The following KCNIP1 variants were observed in gnomAD, a reference collection of about 807,000 sequenced individuals.
KCNIP1 encodes potassium voltage-gated channel interacting protein 1.
In KCNIP1, 18 loss-of-function variants were observed where a neutral mutation model predicts 33.0. The observed-to-expected ratio is 0.55, with a 90% CI of 0.38 to 0.81. The LOEUF is 0.81. KCNIP1 is among the 30% of genes least tolerant of loss of function. The pLI is 0.00. For missense variants in KCNIP1, 238 were observed against 271.6 expected (o/e 0.88, Z 0.87); for synonymous variants, 93 against 98.3 (o/e 0.95, Z 0.32).
At chr5:170,653,570 T>C (rs1009315332) in intron 1 of KCNIP1, among the ~76,000 whole-genome samples, 1 of 152,048 alleles carries the variant, frequency 6.6e-6, no homozygotes, top group African/African-American at 2.4e-5. Flanking sequence ...GCTCTACTTA[T>C]CTTAAGCCAA....
intron 1 of KCNIP1, among the ~76,000 whole-genome samples, chr5:170,710,564 T>A (rs941412524): frequency 2.0e-5 from 3 of 152,236 alleles, no homozygotes; most frequent in Non-Finnish European, 4.4e-5. Context: ...ACCTATCTGG[T>A]TGAGTCTTCA....
intron 1 of KCNIP1, among the ~76,000 whole-genome samples, chr5:170,537,977 AC>A (rs1756059313): frequency 6.6e-6 from 1 of 152,206 alleles, no homozygotes; most frequent in South Asian, 2.1e-4. Flanking sequence ...CCCTTCAGGC[AC>A]TTAAAGCAGG....
chr5:170,608,051 C>T (rs1056587630), intron 1 of KCNIP1, among the ~76,000 whole-genome samples: 4 of 152,134 alleles, frequency 2.6e-5, no homozygotes, highest in African/African-American at 9.7e-5. Context: ...AGGTCCAGAT[C>T]AAGGAGTGAG....
At chr5:170,545,590 G>A (rs1414651425) in intron 1 of KCNIP1, among the ~76,000 whole-genome samples, 1 of 151,798 alleles carries the variant, frequency 6.6e-6, no homozygotes, top group Non-Finnish European at 1.5e-5. Context: ...GGTTTTAATT[G>A]GAATTTTACC....
intron 1 of KCNIP1, among the ~76,000 whole-genome samples, chr5:170,366,520 C>T (rs1412900042): frequency 6.6e-6 from 1 of 152,216 alleles, no homozygotes; most frequent in Non-Finnish European, 1.5e-5. Flanking sequence ...GGCACAGGCT[C>T]CCCCATGTTC....
At chr5:170,702,233 G>C (rs967279169) in intron 1 of KCNIP1, among the ~76,000 whole-genome samples, 1 of 152,060 alleles carries the variant, frequency 6.6e-6, no homozygotes, top group African/African-American at 2.4e-5. Context: ...AGTATTTGTC[G>C]AATGAGTTAA....
intron 1 of KCNIP1, among the ~76,000 whole-genome samples, chr5:170,635,616 A>T (rs1038703854): frequency 1.8e-4 from 28 of 152,338 alleles, no homozygotes; most frequent in African/African-American, 6.5e-4. Context: ...AAGGTTTATC[A>T]CTGCTGTCTC....
Position 170,733,817 on chromosome 5 carries a change from T to A in KCNIP1, c.541-19T>A, listed in dbSNP as rs1764292245. Reference sequence around the variant, plus strand: ...GAGATCACCAGATTCTGTAAAGTGCTTTCTGTTATGTCTTTCAGAAAATGG... The same window carrying A: ...GAGATCACCAGATTCTGTAAAGTGCATTCTGTTATGTCTTTCAGAAAATGG... On this transcript the variant is annotated intron_variant, in intron 6 of 7. Coordinates refer to ENST00000328939, the MANE Select transcript of KCNIP1 (RefSeq NM_014592.4). The A allele has an allele frequency of 1.2e-6, 2 of 1,605,828 alleles. No individual in the cohort carries two copies. The highest frequency in any genetic ancestry group is 1.3e-5 in the African/African-American group (1 of 74,780).
chr5:170,404,980 C>T (rs1754998532), intron 1 of KCNIP1, among the ~76,000 whole-genome samples: 1 of 152,194 alleles, frequency 6.6e-6, no homozygotes, highest in Non-Finnish European at 1.5e-5. Flanking sequence ...TTCTCCAGCA[C>T]ATAAATAAAG....
intron 1 of KCNIP1, among the ~76,000 whole-genome samples, chr5:170,507,189 C>T (rs936899794): frequency 3.3e-5 from 5 of 152,176 alleles, no homozygotes; most frequent in Non-Finnish European, 5.9e-5. Context: ...CGGAAGAGAG[C>T]AGTTGGGATT....
Position 170,453,439 on chromosome 5 carries a change from CG to C in KCNIP1, c.88+99479del, listed in dbSNP as rs1480500495. 3.3e-5 allele frequency among the ~76,000 whole-genome samples: 5 copies of C among 152,274 alleles called. No individual in the cohort carries two copies. The East Asian group carries it at 5.8e-4, about 18-fold the overall frequency. Reference sequence around the variant, plus strand: ...AGGTGCACTTCCAGGCATCATTTAGCGGGGTACCACATTCCTGGTTCCAGTT... The same window carrying C: ...AGGTGCACTTCCAGGCATCATTTAGCGGGTACCACATTCCTGGTTCCAGTT... On this transcript the variant is annotated intron_variant, in intron 1 of 7. Coordinates refer to the KCNIP1 transcript ENST00000377360.
intron 1 of KCNIP1, among the ~76,000 whole-genome samples, chr5:170,649,144 A>G (rs1760906726): frequency 6.6e-6 from 1 of 152,212 alleles, no homozygotes; most frequent in South Asian, 2.1e-4. Flanking sequence ...TAATAATGCC[A>G]CTATTAAGTA....
In KCNIP1 at chr5:170,544,258, A is replaced by G. The variant is rs895989843; in HGVS notation, c.61+39625A>G. Among the ~76,000 whole-genome samples, 4 of 152,138 alleles carry G rather than the reference A, an allele frequency of 2.6e-5. No individual in the cohort carries two copies. In the East Asian group the frequency reaches 7.7e-4, roughly 29 times the overall value. On this transcript the variant is annotated intron_variant, in intron 1 of 7. Coordinates refer to ENST00000328939, the MANE Select transcript of KCNIP1 (RefSeq NM_014592.4). ...CGGAAACCCAATTTCTACTAAAAAT[A>G]ATAATAATAATAATAAAATAACTGA... is the stretch of plus-strand genomic sequence containing the variant.
chr5:170,733,750 T>C, intron 6 of KCNIP1, 86 bp from the exon 7 acceptor site: 1 of 1,136,950 alleles, frequency 8.8e-7, no homozygotes, highest in Non-Finnish European at 1.3e-6. Context: ...AGCTCGTTAC[T>C]CTGAGCTCCA....
chr5:170,602,108 C>T (rs1758718700), intron 1 of KCNIP1, among the ~76,000 whole-genome samples: 1 of 152,236 alleles, frequency 6.6e-6, no homozygotes, highest in Non-Finnish European at 1.5e-5. Flanking sequence ...TCTGTGATAA[C>T]TTTCTCTTGT....
chr5:170,716,794 C>T (rs529988613), intron 1 of KCNIP1, among the ~76,000 whole-genome samples: 3 of 152,244 alleles, frequency 2.0e-5, no homozygotes, highest in South Asian at 2.1e-4. Flanking sequence ...AGAAATTTCC[C>T]GAGCTTGTGA....
intron 1 of KCNIP1, among the ~76,000 whole-genome samples, chr5:170,541,637 T>TCCCACCCATGACCCACCCA: frequency 6.6e-6 from 1 of 151,938 alleles, no homozygotes; most frequent in Non-Finnish European, 1.5e-5. Flanking sequence ...CAAAGCAAAC[T>TCCCACCCATGACCCACCCA]CCCACCCATG....
chr5:170,448,262 A>G (rs1756165327), intron 1 of KCNIP1, among the ~76,000 whole-genome samples: 1 of 152,264 alleles, frequency 6.6e-6, no homozygotes, highest in African/African-American at 2.4e-5. Flanking sequence ...GAGCAGCTTC[A>G]GTTTTTGGAC....
rs116220558 is a variant in KCNIP1, at chr5:170,637,571, C to T, written c.62-81187C>T. ...AGATCTGACGGCTCCATCCCATAAACGTGGCACACACACACCTGCCTCAAG... is the reference window on the plus strand; with the variant it reads ...AGATCTGACGGCTCCATCCCATAAATGTGGCACACACACACCTGCCTCAAG... On this transcript the variant is annotated intron_variant, in intron 1 of 7. Coordinates refer to ENST00000328939, the MANE Select transcript of KCNIP1 (RefSeq NM_014592.4). Among the ~76,000 whole-genome samples, 1,274 of 152,296 alleles carry T rather than the reference C, an allele frequency of 8.4e-3. 12 individuals carry two copies. The highest frequency in any genetic ancestry group is 0.027 in the African/African-American group (1,135 of 41,560).
Sources: allele counts gnomAD v4.1 joint callset (sites outside exome capture counted in the v4.1 genomes callset), GRCh38; gene constraint gnomAD v4.1.1; transcripts MANE v1.5; gene names NCBI Gene and HGNC (gene_info 2026-07-23, HGNC 2026-07-21).